Variants in ZNF723 observed in about 807,000 individuals in gnomAD.
ZNF723 encodes zinc finger protein 723, pseudogene.
Under a neutral mutation model 9.4 loss-of-function variants are expected in ZNF723, and 5 were observed. The ratio of observed to expected loss-of-function variants is 0.53; its 90% CI spans 0.28 to 1.12. ZNF723 has a LOEUF of 1.12. ZNF723 is among the 50% of genes most tolerant of loss of function. The pLI is 0.10. For synonymous variants in ZNF723, 158 were observed against 168.8 expected, an observed-to-expected ratio of 0.94 and a Z score of 0.49; for missense variants, 450 against 501.5, an observed-to-expected ratio of 0.90 and a Z score of 0.98.
upstream of ZNF723, among the ~76,000 whole-genome samples, chr19:22,830,972 A>T (rs928067814): frequency 6.6e-6 from 1 of 152,062 alleles, no homozygotes; most frequent in Non-Finnish European, 1.5e-5. Flanking sequence ...CATGTTGGCC[A>T]GGCTGGTCTT....
At chr19:22,851,864 G>A (rs1445143467) in intron 3 of ZNF723, among the ~76,000 whole-genome samples, 1 of 152,124 alleles carries the variant, frequency 6.6e-6, no homozygotes, top group Non-Finnish European at 1.5e-5. Flanking sequence ...TGGGCTCACC[G>A]CTACTTCCGC....
the ZNF723 span, among the ~76,000 whole-genome samples, chr19:22,824,295 T>C: frequency 2.0e-5 from 3 of 151,658 alleles, no homozygotes; most frequent in Non-Finnish European, 4.4e-5. Flanking sequence ...TGAAAGACTG[T>C]GGAATATCGC....
chr19:22,812,466 CTT>C, the ZNF723 span, among the ~76,000 whole-genome samples: 2 of 152,182 alleles, frequency 1.3e-5, no homozygotes, highest in Non-Finnish European at 2.9e-5. Flanking sequence ...GGTGAGGACT[CTT>C]TTATCTGGAA....
chr19:22,848,707 G>A (rs571791528), intron 2 of ZNF723, among the ~76,000 whole-genome samples: 1 of 151,464 alleles, frequency 6.6e-6, no homozygotes, highest in Admixed American at 6.6e-5. Context: ...TTTTGATTCA[G>A]TGGTACTGGG....
chr19:22,853,486 T>G (rs1013675440), intron 3 of ZNF723, among the ~76,000 whole-genome samples: 2 of 152,266 alleles, frequency 1.3e-5, no homozygotes, highest in African/African-American at 4.8e-5. Flanking sequence ...TTTTATATAT[T>G]TATAAATTTT....
chr19:22,850,057 A>G (rs963307429), intron 3 of ZNF723, among the ~76,000 whole-genome samples: 10 of 151,572 alleles, frequency 6.6e-5, no homozygotes, highest in African/African-American at 2.4e-4. Context: ...TTATTAGTAT[A>G]GTCTTGAAAT....
chr19:22,850,483 A>G (rs1042488195), intron 3 of ZNF723, among the ~76,000 whole-genome samples: 8 of 146,032 alleles, frequency 5.5e-5, no homozygotes. Flanking sequence ...CTGGGATCAC[A>G]GGCGCTGGGT....
rs558840016 is a variant in ZNF723 at position 22,852,018 on chromosome 19, A to G, written c.226+2725A>G. Among the ~76,000 whole-genome samples the G allele has an allele frequency of 3.9e-5, 6 of 152,022 alleles. No individual in the cohort carries two copies. The South Asian group carries it at 1.0e-3, about 26-fold the overall frequency. ...TGGTCAGACTGGTCTCAAACTCCCA[A>G]CCTCAGGTGATCTGCCCCCTTCGGC... On this transcript the variant is annotated intron_variant, in intron 3 of 3. Coordinates refer to ENST00000600766, the MANE Select transcript of ZNF723 (RefSeq NM_001349726.2).
intron 1 of ZNF723, among the ~76,000 whole-genome samples, chr19:22,839,513 C>T (rs896305925): frequency 6.9e-6 from 1 of 145,426 alleles, no homozygotes; most frequent in African/African-American, 2.6e-5. Context: ...GTTGCCCAGG[C>T]TGGAGTGCAG....
At chr19:22,846,533 G>A in intron 1 of ZNF723, among the ~76,000 whole-genome samples, 1 of 152,172 alleles carries the variant, frequency 6.6e-6, no homozygotes, top group Non-Finnish European at 1.5e-5. Flanking sequence ...CGAGGCAGGA[G>A]AATCGCTTGA....
chr19:22,839,548 T>C (rs1194754280), intron 1 of ZNF723, among the ~76,000 whole-genome samples: 1 of 150,464 alleles, frequency 6.6e-6, no homozygotes, highest in Non-Finnish European at 1.5e-5. Context: ...CTGATTGCAG[T>C]CTCCACCTCC....
chr19:22,852,092 A>ATT (rs536435644), intron 3 of ZNF723, among the ~76,000 whole-genome samples: 5 of 151,940 alleles, frequency 3.3e-5, no homozygotes, highest in Admixed American at 3.3e-4. Flanking sequence ...CCCAGCTAGA[A>ATT]TTTTTTTTAT....
rs1013712783 is a variant in ZNF723, at chr19:22,858,273, C to T, written c.1382C>T (p.Ala461Val). The change falls in exon 4 of 4, where the codon GCT (alanine) becomes GTT (valine). Residue 461 changes from alanine to valine, a missense_variant. Physicochemically the swap from Ala to Val is moderately conservative, Grantham distance 64 (BLOSUM62 0). Around this residue, in one of 5 missense-constraint regions of ZNF723, gnomAD observed 237 missense variants for 332.2 expected, o/e 0.71. Coordinates refer to ENST00000600766, the MANE Select transcript of ZNF723 (RefSeq NM_001349726.2). ...TACAAATGTGAAGAATGTGGCAAAG[C>T]TTTTAACCAATATTCAACCCTTAAT... ...KPYKCEECGK[A>V]FNQYSTLNKH... is the part of the protein sequence containing the mutation. The T allele has an allele frequency of 4.7e-6, 6 of 1,289,676 alleles. No homozygotes were observed. The highest frequency in any genetic ancestry group is 4.5e-6 in the Non-Finnish European group (4 of 887,986). 79.9% of individuals were successfully genotyped at this position (1,289,676 alleles called of 1,614,324 possible). A position where few individuals can be genotyped will look rare whatever the true frequency, so the allele number is the denominator to read the frequency against.
intron 1 of ZNF723, among the ~76,000 whole-genome samples, chr19:22,845,032 T>C (rs1967290830): frequency 6.6e-6 from 1 of 152,046 alleles, no homozygotes; most frequent in Non-Finnish European, 1.5e-5. Context: ...GGCAGGAGAA[T>C]GGCATGAACC....
chr19:22,846,034 G>A (rs1376998778), intron 1 of ZNF723, among the ~76,000 whole-genome samples: 1 of 149,418 alleles, frequency 6.7e-6, no homozygotes, highest in South Asian at 2.1e-4. Context: ...AACTACTTTT[G>A]AAAATTTTAT....
the ZNF723 span, among the ~76,000 whole-genome samples, chr19:22,823,097 G>A: frequency 3.3e-3 from 507 of 152,306 alleles, 3 homozygotes; most frequent in Non-Finnish European, 5.1e-3. Context: ...GCCAATAAGA[G>A]AGATGTTAGC....
rs1796969380 is a variant in ZNF723 at position 22,858,062 on chromosome 19, C to T, written c.1171C>T (p.His391Tyr). The change falls in exon 4 of 4, where the codon CAT becomes TAT. Residue 391 changes from histidine (H) to tyrosine (Y), a missense_variant. His to Tyr is a moderately conservative substitution (Grantham distance 83, BLOSUM62 2). This residue lies in a region of ZNF723 where 237 missense variants were observed against 332.2 expected (regional missense o/e 0.71). Transcript: ENST00000600766. The stretch of plus-strand genomic sequence containing the variant: ...ACACCTTACTACACATAAGAGAATT[C>T]ATACTGGAGAGAAACCCTACAAATG... ...SVHLTTHKRI[H>Y]TGEKPYKCEE... The T allele has an allele frequency of 6.6e-7, 1 of 1,518,702 alleles. No individual in the cohort carries two copies. Among genetic ancestry groups the T allele is most frequent in the Admixed American group, 1.7e-5 (1 of 59,920 alleles). The allele number at this position is 1,518,702 out of a possible 1,614,324, so 94.1% of individuals were successfully genotyped here.
intron 1 of ZNF723, among the ~76,000 whole-genome samples, chr19:22,833,602 G>C (rs959130765): frequency 4.6e-5 from 7 of 151,742 alleles, no homozygotes; most frequent in Non-Finnish European, 1.0e-4. Context: ...CCGTAATAAA[G>C]ATTATTAATT....
intron 3 of ZNF723, among the ~76,000 whole-genome samples, chr19:22,852,425 T>C (rs1967410772): frequency 6.6e-6 from 1 of 152,178 alleles, no homozygotes. Context: ...TATATCTGTT[T>C]CCAATATAGT....
Sources: allele counts gnomAD v4.1 joint callset (sites outside exome capture counted in the v4.1 genomes callset), GRCh38; gene constraint gnomAD v4.1.1; regional missense constraint gnomAD v4.1.1; transcripts MANE v1.5; gene names NCBI Gene and HGNC (gene_info 2026-07-23, HGNC 2026-07-21).